The following FCGR3B variants were observed in gnomAD, a reference collection of about 807,000 sequenced individuals.
The protein encoded by FCGR3B is low affinity immunoglobulin gamma Fc region receptor III-B.
Under a neutral mutation model 26.7 loss-of-function variants are expected in FCGR3B, and 20 were observed. The observed-to-expected ratio is 0.75, with a 90% CI of 0.53 to 1.09. FCGR3B has a LOEUF of 1.09. Ranked by LOEUF, FCGR3B falls within the 50% of genes least tolerant of loss-of-function variation. The probability of loss-of-function intolerance (pLI) is 0.00; values close to 1 mark genes in which losing one functional copy is unlikely to be tolerated. For missense variants in FCGR3B, 191 were observed against 279.7 expected (o/e 0.68, Z 2.26); for synonymous variants, 79 against 107.0 (o/e 0.74, Z 1.62).
chr1:161,631,893 G>A (rs1436087277), upstream of FCGR3B: 1 of 144,044 alleles, frequency 6.9e-6, no homozygotes, highest in Admixed American at 7.0e-5. Context: ...TACCTTCCTC[G>A]TGTTACCCAG....
Position 161,630,357 on chromosome 1 carries a change from A to G in FCGR3B, c.61+11T>C, listed in dbSNP as rs367715182. The G allele has an allele frequency of 6.4e-5, 102 of 1,603,370 alleles. 5 individuals are homozygous for G. In the Middle Eastern group the frequency reaches 9.9e-4, roughly 16 times the overall value. On this transcript the variant is annotated intron_variant, in intron 2 of 4. Transcript: ENST00000650385. ...CCACTGGGTCAATCCAAGACCATGA[A>G]GCTGACTCACCAGTCCGCATGCCAG... is the stretch of plus-strand genomic sequence containing the variant.
At chr1:161,631,271 A>G, upstream of FCGR3B, 1 of 1,454,880 alleles carries the variant, frequency 6.9e-7, no homozygotes, top group Non-Finnish European at 9.3e-7. Flanking sequence ...CTCGCAATGG[A>G]GCCCCACCAT....
intron 1 of FCGR3B, chr1:161,630,846 G>A (rs1679710607): frequency 5.1e-6 from 6 of 1,184,080 alleles, no homozygotes; most frequent in Non-Finnish European, 6.8e-6. Context: ...GAAGTGACTG[G>A]CCTCACTCAT....
In FCGR3B at chr1:161,628,715, C is replaced by T. The variant is rs1464566401; in HGVS notation, c.319+1063G>A. Among the ~76,000 whole-genome samples, 4 of 144,164 alleles carry T rather than the reference C, an allele frequency of 2.8e-5. 1 individual carries two copies. Among genetic ancestry groups the T allele is most frequent in the African/African-American group, 5.3e-5 (2 of 38,010 alleles). 94.6% of individuals were successfully genotyped at this position (144,164 alleles called of 152,430 possible). A position where few individuals can be genotyped will look rare whatever the true frequency, so the allele number is the denominator to read the frequency against. On this transcript the variant is annotated intron_variant, in intron 3 of 4. Coordinates refer to ENST00000650385, the MANE Select transcript of FCGR3B (RefSeq NM_001244753.2). Reference sequence around the variant, plus strand: ...CCACCTCCTTATGCCCTTCTTCCCCCAAAGCTTGTTCCACCCATAAACATT... The same window carrying T: ...CCACCTCCTTATGCCCTTCTTCCCCTAAAGCTTGTTCCACCCATAAACATT...
chr1:161,623,782 C>A lies in FCGR3B; in HGVS notation c.*733G>T, dbSNP rs544010053. The A allele has an allele frequency of 1.9e-3, 269 of 141,036 alleles. 9 individuals carry two copies. The highest frequency in any genetic ancestry group is 3.1e-3 in the Non-Finnish European group (204 of 66,380). The allele number at this position is 141,036 out of a possible 1,614,324, so 8.7% of individuals were successfully genotyped here. A position where few individuals can be genotyped will look rare whatever the true frequency, so the allele number is the denominator to read the frequency against. On this transcript the variant is annotated 3_prime_UTR_variant, in exon 5 of 5. Transcript: ENST00000650385. ...ATTTTCTACTCCTAGCATTAGAGGA[C>A]TCATCGTTATATACTTGGAAATGGT...
chr1:161,628,485 A>G (rs557049255), intron 3 of FCGR3B, among the ~76,000 whole-genome samples: 1 of 149,606 alleles, frequency 6.7e-6, no homozygotes, highest in African/African-American at 2.5e-5. Context: ...AGTAACTCCT[A>G]GACTTGATTT....
chr1:161,624,633 G>T lies in FCGR3B; in HGVS notation c.584C>A (p.Ala195Glu), dbSNP rs777460504. The T allele has an allele frequency of 2.5e-6, 4 of 1,603,656 alleles. No homozygotes were observed. Among genetic ancestry groups the T allele is most frequent in the African/African-American group, 1.4e-5 (1 of 72,760 alleles). ...TVNITITQGL[A>E]VSTISSFSPP... Reference sequence around the variant, plus strand: ...AGAGAATGATGAGATGGTTGACACTGCCAAACCTATTAGGAGAAGTGGAGA... The same window carrying T: ...AGAGAATGATGAGATGGTTGACACTTCCAAACCTATTAGGAGAAGTGGAGA... Residue 195 changes from alanine (A) to glutamate (E), a missense_variant, in exon 5 of 5, where the codon GCA becomes GAA. Around this residue, in one of 2 missense-constraint regions of FCGR3B, gnomAD observed 103 missense variants for 114.5 expected, o/e 0.90. Coordinates refer to ENST00000650385, the MANE Select transcript of FCGR3B (RefSeq NM_001244753.2).
At chr1:161,631,537 G>A (rs1432910502), upstream of FCGR3B, 5 of 446,154 alleles carry the variant, frequency 1.1e-5, no homozygotes, top group Middle Eastern at 5.8e-4. Context: ...TTTCACCTCA[G>A]AACTTCTCAC....
Position 161,626,378 on chromosome 1 carries a change from C to A in FCGR3B, c.344G>T (p.Arg115Leu). 1 of 1,609,136 alleles carries A rather than the reference C, an allele frequency of 6.2e-7. No homozygotes were observed. Among genetic ancestry groups the A allele is most frequent in the South Asian group, 1.1e-5 (1 of 90,578 alleles). ...HIGWLLLQAPRWVFKEEDPIH... is the reference protein window; with the variant it reads ...HIGWLLLQAPLWVFKEEDPIH... ...AGGGTCTTCCTCCTTGAACACCCACCGAGGGGCCTGGAGCAACAGCCAGCC... is the reference window on the plus strand; with the variant it reads ...AGGGTCTTCCTCCTTGAACACCCACAGAGGGGCCTGGAGCAACAGCCAGCC... The change falls in exon 4 of 5, where the codon CGG (arginine) becomes CTG (leucine). Residue 115 changes from arginine (R) to leucine (L), a missense_variant. This residue lies in a region of FCGR3B where 88 missense variants were observed against 165.2 expected (regional missense o/e 0.53). Coordinates refer to ENST00000650385, the MANE Select transcript of FCGR3B (RefSeq NM_001244753.2).
At chr1:161,628,965 A>G (rs1679609551) in intron 3 of FCGR3B, among the ~76,000 whole-genome samples, 1 of 126,316 alleles carries the variant, frequency 7.9e-6, no homozygotes, top group African/African-American at 2.9e-5. Flanking sequence ...AAGAGCTATC[A>G]CATTACCAAA....
intron 3 of FCGR3B, 78 bp from the exon 4 acceptor site, chr1:161,626,480 C>A: frequency 3.0e-6 from 4 of 1,318,764 alleles, no homozygotes; most frequent in Non-Finnish European, 4.1e-6. Flanking sequence ...CCACGTACCA[C>A]CCAGATCCTG....
At chr1:161,627,460 T>C (rs937657434) in intron 3 of FCGR3B, among the ~76,000 whole-genome samples, 1 of 150,486 alleles carries the variant, frequency 6.6e-6, no homozygotes, top group Non-Finnish European at 1.5e-5. Context: ...GTTGAATTAC[T>C]ATAATTTTAA....
intron 4 of FCGR3B, among the ~76,000 whole-genome samples, chr1:161,625,032 T>TA (rs66963969): frequency 1.4e-5 from 2 of 143,490 alleles, no homozygotes; most frequent in Admixed American, 1.4e-4. Flanking sequence ...TTTCCAAACT[T>TA]AAAAAAAATG....
Position 161,623,850 on chromosome 1 carries a change from C to T in FCGR3B, c.*665G>A, listed in dbSNP as rs1160782434. 2.0e-5 allele frequency: 3 copies of T among 148,406 alleles called. No homozygotes were observed. The highest frequency in any genetic ancestry group is 7.6e-5 in the African/African-American group (3 of 39,406). 9.2% of individuals were successfully genotyped at this position (148,406 alleles called of 1,614,324 possible). On this transcript the variant is annotated 3_prime_UTR_variant, in exon 5 of 5. Coordinates refer to ENST00000650385, the MANE Select transcript of FCGR3B (RefSeq NM_001244753.2). ...CCCTGGAAGACTCAATTCTACGTCACCCTCATGATTTCCTGTTAATTCCAC... is the reference window on the plus strand; with the variant it reads ...CCCTGGAAGACTCAATTCTACGTCATCCTCATGATTTCCTGTTAATTCCAC...
At chr1:161,631,387 T>C, upstream of FCGR3B, 1 of 613,768 alleles carries the variant, frequency 1.6e-6, no homozygotes, top group African/African-American at 1.9e-5. Context: ...ACACAGAATC[T>C]GCCAGAGTGT....
upstream of FCGR3B, chr1:161,631,234 A>G (rs771816544): frequency 6.4e-7 from 1 of 1,559,932 alleles, no homozygotes; most frequent in Non-Finnish European, 8.7e-7. Flanking sequence ...TTTTCTTGAA[A>G]CTTCATCTGA....
In FCGR3B at chr1:161,631,143, A is replaced by T. The variant is rs767170106; in HGVS notation, c.-49T>A. 1.9e-6 allele frequency: 3 copies of T among 1,607,878 alleles called. 1 individual carries two copies. Among genetic ancestry groups the T allele is most frequent in the Non-Finnish European group, 2.5e-6 (3 of 1,177,408 alleles). ...TCACCAAAGATATCCGGAGCCCTAAAGGGACCAAGCCGACTAGACAGGAGG... is the reference window on the plus strand; with the variant it reads ...TCACCAAAGATATCCGGAGCCCTAATGGGACCAAGCCGACTAGACAGGAGG... On this transcript the variant is annotated 5_prime_UTR_variant, in exon 1 of 5. Coordinates refer to ENST00000650385, the MANE Select transcript of FCGR3B (RefSeq NM_001244753.2).
chr1:161,627,437 T>G (rs1228877158), intron 3 of FCGR3B, among the ~76,000 whole-genome samples: 2 of 150,356 alleles, frequency 1.3e-5, no homozygotes, highest in African/African-American at 4.9e-5. Flanking sequence ...ATTTTTTAAA[T>G]CTACATTCTC....
In FCGR3B at chr1:161,623,363, C is replaced by T. The variant is rs1190070484; in HGVS notation, c.*1152G>A. On this transcript the variant is annotated 3_prime_UTR_variant, in exon 5 of 5. Transcript: ENST00000650385. ...TAAGCAACAATTGTCTTCTCCATCC[C>T]CACCTCATTGGAACTGACATGAAGA... 2.0e-5 allele frequency: 3 copies of T among 150,414 alleles called. No individual in the cohort carries two copies. The highest frequency in any genetic ancestry group is 3.0e-5 in the Non-Finnish European group (2 of 67,774). 9.3% of individuals were successfully genotyped at this position (150,414 alleles called of 1,614,324 possible). A position where few individuals can be genotyped will look rare whatever the true frequency, so the allele number is the denominator to read the frequency against.
Sources: gnomAD v4.1 joint callset for allele counts (sites outside exome capture counted in the v4.1 genomes callset) on GRCh38, gnomAD v4.1.1 for gene constraint, gnomAD v4.1.1 regional missense constraint, MANE v1.5 for transcripts, NCBI Gene and HGNC (gene_info 2026-07-23, HGNC 2026-07-21) for gene names.